PVT1: variants seen among roughly 807,000 people sequenced by gnomAD.
PVT1 encodes Pvt1 oncogene.
intron 3 of PVT1, among the ~76,000 whole-genome samples, chr8:127,896,665 G>A (rs2129814847): frequency 6.6e-6 from 1 of 151,864 alleles, no homozygotes. Context: ...TGCAGGATGT[G>A]CAGGTTTGTT....
At chr8:128,094,479 T>A (rs1814401124) in intron 5 of PVT1, among the ~76,000 whole-genome samples, 1 of 152,212 alleles carries the variant, frequency 6.6e-6, no homozygotes, top group Non-Finnish European at 1.5e-5. Flanking sequence ...GTGCAGAGCT[T>A]TCACTCAATG....
intron 2 of PVT1, among the ~76,000 whole-genome samples, chr8:127,874,691 G>A (rs1396038000): frequency 3.3e-5 from 5 of 152,124 alleles, no homozygotes; most frequent in Admixed American, 6.5e-5. Flanking sequence ...ATTGTGAAGC[G>A]GGTTTGAGAC....
chr8:127,980,260 C>T (rs1273382513), intron 3 of PVT1, among the ~76,000 whole-genome samples: 1 of 152,162 alleles, frequency 6.6e-6, no homozygotes, highest in East Asian at 1.9e-4. Flanking sequence ...ATGGAATTAC[C>T]TAAGCTTTAC....
chr8:127,968,863 A>G (rs138911633), intron 3 of PVT1, among the ~76,000 whole-genome samples: 107 of 152,274 alleles, frequency 7.0e-4, no homozygotes, highest in African/African-American at 2.4e-3. Flanking sequence ...TTAGAGGGAT[A>G]CAGCACCAAG....
At chr8:127,797,497 T>G (rs1258773053) in intron 2 of PVT1, among the ~76,000 whole-genome samples, 1 of 152,188 alleles carries the variant, frequency 6.6e-6, no homozygotes, top group Non-Finnish European at 1.5e-5. Flanking sequence ...CTGTGGACAG[T>G]CACTTCAATA....
intron 4 of PVT1, among the ~76,000 whole-genome samples, chr8:128,022,070 G>C (rs1332273306): frequency 6.6e-6 from 1 of 152,162 alleles, no homozygotes; most frequent in African/African-American, 2.4e-5. Flanking sequence ...AGAAAAGTCA[G>C]CTTCTGTGCT....
chr8:127,877,049 G>A (rs1815413327), intron 2 of PVT1, among the ~76,000 whole-genome samples: 1 of 152,222 alleles, frequency 6.6e-6, no homozygotes, highest in African/African-American at 2.4e-5. Flanking sequence ...CTTATGGGAT[G>A]TATGGAGCTG....
chr8:127,862,506 T>C (rs1300803465), intron 2 of PVT1, among the ~76,000 whole-genome samples: 1 of 152,184 alleles, frequency 6.6e-6, no homozygotes, highest in African/African-American at 2.4e-5. Flanking sequence ...GCTCAGTTCA[T>C]AGTTCATAGC....
At chr8:127,885,637 G>A (rs1815514341) in intron 2 of PVT1, among the ~76,000 whole-genome samples, 1 of 152,154 alleles carries the variant, frequency 6.6e-6, no homozygotes, top group African/African-American at 2.4e-5. Context: ...GCAGTTAAGA[G>A]TTCAACGTAT....
intron 3 of PVT1, among the ~76,000 whole-genome samples, chr8:127,936,263 G>C (rs546121613): frequency 1.7e-4 from 26 of 152,020 alleles, no homozygotes; most frequent in African/African-American, 6.0e-4. Flanking sequence ...TGTTGGTCGG[G>C]CTGGTCTCCA....
chr8:127,825,144 C>A (rs60835879), intron 2 of PVT1, among the ~76,000 whole-genome samples: 2,461 of 107,116 alleles, frequency 0.023, 54 homozygotes, highest in African/African-American at 0.078. Flanking sequence ...AAAAAAAGAA[C>A]ATTGTGTATT....
At chr8:127,955,415 G>T (rs1469415626) in intron 3 of PVT1, among the ~76,000 whole-genome samples, 3 of 152,108 alleles carry the variant, frequency 2.0e-5, no homozygotes, top group Non-Finnish European at 4.4e-5. Context: ...TGTGTCTGGG[G>T]CAGTGCCTCT....
At chr8:128,080,583 A>G (rs536310612) in intron 5 of PVT1, among the ~76,000 whole-genome samples, 8 of 152,192 alleles carry the variant, frequency 5.3e-5, no homozygotes, top group Non-Finnish European at 1.2e-4. Context: ...TTGAGATTTA[A>G]GAGTTCTTTG....
chr8:127,994,812 A>T (rs766176400), intron 4 of PVT1, among the ~76,000 whole-genome samples: 23 of 152,170 alleles, frequency 1.5e-4, no homozygotes, highest in Non-Finnish European at 3.1e-4. Flanking sequence ...GCAGGAGAAG[A>T]TCGATGTCCC....
At chr8:127,922,458 G>A (rs188721176) in intron 3 of PVT1, among the ~76,000 whole-genome samples, 2 of 152,150 alleles carry the variant, frequency 1.3e-5, no homozygotes, top group Admixed American at 1.3e-4. Flanking sequence ...TCTTTTCTGG[G>A]GTAATGAGGT....
chr8:128,073,890 C>G (rs1424590765), intron 5 of PVT1, among the ~76,000 whole-genome samples: 1 of 151,446 alleles, frequency 6.6e-6, no homozygotes, highest in Non-Finnish European at 1.5e-5. Flanking sequence ...AGATGAAAGT[C>G]CAAGTGCAGA....
chr8:127,914,788 T>C (rs1396352772), intron 3 of PVT1, among the ~76,000 whole-genome samples: 2 of 151,466 alleles, frequency 1.3e-5, no homozygotes, highest in Admixed American at 6.6e-5. Context: ...GGGGAGTAGC[T>C]GCTTAATGGG....
At chr8:127,882,302 G>C (rs780989423) in intron 2 of PVT1, among the ~76,000 whole-genome samples, 1 of 152,064 alleles carries the variant, frequency 6.6e-6, no homozygotes, top group Non-Finnish European at 1.5e-5. Context: ...GCCTGTCAGC[G>C]GGGGGACAGC....
intron 3 of PVT1, among the ~76,000 whole-genome samples, chr8:127,897,374 A>G (rs1815692467): frequency 6.6e-6 from 1 of 152,122 alleles, no homozygotes; most frequent in Non-Finnish European, 1.5e-5. Flanking sequence ...ATAAAGTTAG[A>G]AAATGATTCT....
Sources: allele counts gnomAD v4.1 joint callset (sites outside exome capture counted in the v4.1 genomes callset), GRCh38; gene constraint gnomAD v4.1.1; transcripts MANE v1.5; gene names NCBI Gene and HGNC (gene_info 2026-07-23, HGNC 2026-07-21).